The following MACF1 variants were observed in gnomAD, a reference collection of about 807,000 sequenced individuals.
The protein encoded by MACF1 is microtubule actin crosslinking factor 1, also known as microtubule-actin cross-linking factor 1.
Under a neutral mutation model 854.8 loss-of-function variants are expected in MACF1, and 193 were observed. That is an observed-to-expected ratio of 0.23 (90% confidence interval 0.20 to 0.25). The LOEUF (loss-of-function observed/expected upper bound fraction) is 0.25, where lower values mean the gene tolerates loss of function less well. Ranked by LOEUF, MACF1 falls within the 10% of genes least tolerant of loss-of-function variation. The pLI, the probability that MACF1 is intolerant of heterozygous loss-of-function variation, is 1.00. For missense variants in MACF1, 7,722 were observed against 8,929.1 expected (o/e 0.86, Z 5.45); for synonymous variants, 3,185 against 3,226.7 (o/e 0.99, Z 0.44).
intron 56 of MACF1, among the ~76,000 whole-genome samples, chr1:39,383,460 C>G (rs1462172416): frequency 6.6e-6 from 1 of 152,062 alleles, no homozygotes; most frequent in Non-Finnish European, 1.5e-5. Flanking sequence ...TATTAAAATA[C>G]TGAGGAATTT....
chr1:39,414,316 A>G (rs761605264), intron 58 of MACF1: 3 of 1,613,870 alleles, frequency 1.9e-6, no homozygotes, highest in African/African-American at 1.3e-5. Flanking sequence ...CTCAGTGCCT[A>G]TTTCAGAAGA....
chr1:39,260,943 A>G (rs1318038699), intron 6 of MACF1, among the ~76,000 whole-genome samples: 3 of 152,220 alleles, frequency 2.0e-5, no homozygotes, highest in South Asian at 2.1e-4. Flanking sequence ...TGTAATATAT[A>G]TGAATCCAAG....
At chr1:39,382,789 T>C (rs1438229329) in intron 56 of MACF1, among the ~76,000 whole-genome samples, 1 of 152,014 alleles carries the variant, frequency 6.6e-6, no homozygotes, top group Non-Finnish European at 1.5e-5. Flanking sequence ...TGATCAAACC[T>C]CAAAAAAATT....
chr1:39,156,947 T>G (rs529625530), intron 2 of MACF1, among the ~76,000 whole-genome samples: 1 of 149,372 alleles, frequency 6.7e-6, no homozygotes, highest in Non-Finnish European at 1.5e-5. Flanking sequence ...GGTTGGTTAT[T>G]ACTTTCCCTT....
chr1:39,460,126 A>G lies in MACF1; in HGVS notation c.21361-506A>G, dbSNP rs1644524932. 6.6e-6 allele frequency among the ~76,000 whole-genome samples: 1 copy of G among 152,234 alleles called. No individual in the cohort carries two copies. Among genetic ancestry groups the G allele is most frequent in the African/African-American group, 2.4e-5 (1 of 41,462 alleles). On this transcript the variant is annotated intron_variant, in intron 91 of 100. Transcript: ENST00000564288. The surrounding 1 kb of genome is among the most constrained non-coding windows in gnomAD (Gnocchi z 4.1). ...TGCCATTCCAAAGAAACATGCTTGG[A>G]TACAACATTGGGTTCCCAATGCTTC...
At chr1:39,296,873 T>G (rs1645929579) in intron 20 of MACF1, among the ~76,000 whole-genome samples, 1 of 151,312 alleles carries the variant, frequency 6.6e-6, no homozygotes, top group Non-Finnish European at 1.5e-5. Flanking sequence ...AGAATGTACT[T>G]CTTATTTTCA....
chr1:39,359,706 C>T (rs1289436986), intron 47 of MACF1, among the ~76,000 whole-genome samples: 1 of 151,732 alleles, frequency 6.6e-6, no homozygotes, highest in African/African-American at 2.4e-5. Flanking sequence ...CGTGGTGGCT[C>T]ACATCTGTAA....
At chr1:39,313,220 G>C (rs1646338256) in intron 26 of MACF1, among the ~76,000 whole-genome samples, 3 of 152,184 alleles carry the variant, frequency 2.0e-5, no homozygotes, top group Middle Eastern at 3.4e-3. Context: ...CTGTGTCCTT[G>C]GTATATTAGT....
intron 20 of MACF1, among the ~76,000 whole-genome samples, chr1:39,297,075 C>G (rs1241420692): frequency 2.6e-5 from 4 of 151,924 alleles, no homozygotes; most frequent in East Asian, 2.0e-4. Context: ...AGGCGCCCAC[C>G]ACCACGCCCG....
rs1646811764 is a variant in MACF1, at chr1:39,336,448, A to G, written c.9860A>G (p.Gln3287Arg). 6.2e-7 allele frequency: 1 copy of G among 1,614,102 alleles called. No individual in the cohort carries two copies. Residue 3287 changes from glutamine to arginine, a missense_variant, in exon 37 of 101, where the codon CAA (glutamine) becomes CGA (arginine). Coordinates refer to ENST00000564288, the MANE Select transcript of MACF1 (RefSeq NM_001394062.1). ...GTGTCTCAAAAAGAGAATACAGGGCAACAGAATGCCATCATTAGTCCTACT... is the reference window on the plus strand; with the variant it reads ...GTGTCTCAAAAAGAGAATACAGGGCGACAGAATGCCATCATTAGTCCTACT... Reference protein sequence around the residue: ...KGVSQKENTGQQNAIISPTVL... With the variant: ...KGVSQKENTGRQNAIISPTVL...
At chr1:39,290,770 C>T (rs1242050263) in intron 15 of MACF1, among the ~76,000 whole-genome samples, 20 of 150,530 alleles carry the variant, frequency 1.3e-4, no homozygotes, top group African/African-American at 4.9e-4. Context: ...CGTGTTCAAG[C>T]GATTCTCCTG....
At chr1:39,445,465 T>C (rs188681169) in intron 80 of MACF1, among the ~76,000 whole-genome samples, 13 of 152,352 alleles carry the variant, frequency 8.5e-5, no homozygotes, top group South Asian at 2.1e-4. Flanking sequence ...TGAATAGTTA[T>C]TGAGCAAGTG....
At chr1:39,126,382 G>A (rs377189059) in intron 2 of MACF1, among the ~76,000 whole-genome samples, 18 of 152,234 alleles carry the variant, frequency 1.2e-4, no homozygotes, top group African/African-American at 3.9e-4. Context: ...GAGCCTTTTC[G>A]AATGACCTCA....
intron 2 of MACF1, among the ~76,000 whole-genome samples, chr1:39,099,749 A>G (rs954188904): frequency 4.6e-5 from 7 of 152,222 alleles, no homozygotes; most frequent in South Asian, 2.1e-4. Flanking sequence ...TTTATTGAAC[A>G]TCTACTATGT....
chr1:39,131,586 G>T (rs905766381), intron 2 of MACF1, among the ~76,000 whole-genome samples: 7 of 152,024 alleles, frequency 4.6e-5, no homozygotes, highest in African/African-American at 9.7e-5. Context: ...ACTTATCTTT[G>T]TATCTCTGAT....
intron 2 of MACF1, among the ~76,000 whole-genome samples, chr1:39,150,639 C>T (rs1396141474): frequency 1.3e-5 from 2 of 152,142 alleles, no homozygotes; most frequent in African/African-American, 4.8e-5. Flanking sequence ...CTTTTAGCTT[C>T]CAACCCTCTC....
chr1:39,170,108 T>C (rs183427614), intron 2 of MACF1, among the ~76,000 whole-genome samples: 15 of 152,208 alleles, frequency 9.9e-5, no homozygotes, highest in Admixed American at 7.2e-4. Context: ...TCTCTTTACC[T>C]GGAATGCCCT....
chr1:39,408,423 C>A (rs1009488067), intron 58 of MACF1, among the ~76,000 whole-genome samples: 1 of 152,144 alleles, frequency 6.6e-6, no homozygotes, highest in Non-Finnish European at 1.5e-5. Context: ...GCAAGGGGCG[C>A]GCTAAAGGTG....
Position 39,479,887 on chromosome 1 carries a change from C to G in MACF1, c.22048C>G (p.Arg7350Gly). ...AATGACCCCCTTCCGCTCACGGGGT[C>G]GAAGGTCCAAACCATCTTCCCGGGC... Reference protein sequence around the residue: ...QGMTPFRSRGRRSKPSSRAAS... With the variant: ...QGMTPFRSRGGRSKPSSRAAS... Residue 7350 changes from arginine (R) to glycine (G), a missense_variant, in exon 98 of 101, where the codon CGA becomes GGA. Physicochemically the swap from Arg to Gly is moderately radical, Grantham distance 125. Transcript: ENST00000564288. The G allele has an allele frequency of 1.9e-6, 3 of 1,614,218 alleles. No individual in the cohort carries two copies. The highest frequency in any genetic ancestry group is 2.5e-6 in the Non-Finnish European group (3 of 1,180,030).
Sources: gnomAD v4.1 joint callset for allele counts (sites outside exome capture counted in the v4.1 genomes callset) on GRCh38, gnomAD v4.1.1 for gene constraint, Gnocchi (gnomAD v3.1) non-coding constraint, MANE v1.5 for transcripts, NCBI Gene and HGNC (gene_info 2026-07-23, HGNC 2026-07-21) for gene names.